FAM13C: variants seen among roughly 807,000 people sequenced by gnomAD.
FAM13C encodes family with sequence similarity 13 member C.
FAM13C carries 37 observed loss-of-function variants against 73.2 expected under a neutral mutation model. That is an observed-to-expected ratio of 0.51 (90% confidence interval 0.39 to 0.67). The LOEUF (loss-of-function observed/expected upper bound fraction) is 0.67. Among genes scored for constraint, FAM13C ranks in the 30% least tolerant of loss-of-function variants. The pLI is 0.00. For synonymous variants in FAM13C, 246 were observed against 260.9 expected (o/e 0.94, Z 0.55); for missense variants, 589 against 715.6 (o/e 0.82, Z 2.02).
chr10:59,354,315 C>A (rs570917869), intron 2 of FAM13C, among the ~76,000 whole-genome samples: 1 of 152,126 alleles, frequency 6.6e-6, no homozygotes, highest in Admixed American at 6.6e-5. Flanking sequence ...ATTACACAAA[C>A]GTAAAACCTG....
At chr10:59,307,394 C>G (rs894481607) in intron 4 of FAM13C, among the ~76,000 whole-genome samples, 4 of 152,114 alleles carry the variant, frequency 2.6e-5, no homozygotes, top group African/African-American at 9.7e-5. Context: ...GCACTAGACC[C>G]AAGAATGACT....
intron 3 of FAM13C, among the ~76,000 whole-genome samples, chr10:59,336,682 C>T (rs1852762595): frequency 6.6e-6 from 1 of 152,178 alleles, no homozygotes; most frequent in Non-Finnish European, 1.5e-5. Context: ...TCTCCAAGTG[C>T]AAGAACAGAG....
intron 4 of FAM13C, among the ~76,000 whole-genome samples, chr10:59,322,172 A>G (rs554657525): frequency 1.3e-5 from 2 of 151,576 alleles, no homozygotes; most frequent in African/African-American, 4.8e-5. Context: ...TAGTTCATCA[A>G]ATTTCACAAT....
chr10:59,301,959 T>G (rs904793708), intron 5 of FAM13C, among the ~76,000 whole-genome samples: 1 of 152,218 alleles, frequency 6.6e-6, no homozygotes, highest in Admixed American at 6.5e-5. Context: ...TGAAATACCC[T>G]TTTTGTGGGG....
intron 4 of FAM13C, among the ~76,000 whole-genome samples, chr10:59,316,119 C>T (rs897266599): frequency 6.6e-6 from 1 of 151,862 alleles, no homozygotes; most frequent in African/African-American, 2.4e-5. Context: ...ATTTTTAGTA[C>T]AGATGGGGTT....
At chr10:59,318,291 G>A (rs1315461669) in intron 4 of FAM13C, among the ~76,000 whole-genome samples, 1 of 151,888 alleles carries the variant, frequency 6.6e-6, no homozygotes, top group Non-Finnish European at 1.5e-5. Context: ...CAACAAAAAA[G>A]GAAAATTTCA....
chr10:59,254,355 G>A lies in FAM13C; in HGVS notation c.1325C>T (p.Pro442Leu). ...GCAAGTATCCTGACTTACAATTGTT[G>A]GAATAAGGGAAGGTGTTGACAAGAT... ...KQILSTPSLI[P>L]TIQEEEDSDE... is the part of the protein sequence containing the mutation. Residue 442 changes from proline to leucine, a missense_variant, in exon 11 of 14, where the codon CCA becomes CTA. Physicochemically the swap from Pro to Leu is moderately conservative, Grantham distance 98. Transcript: ENST00000618804. 1 of 1,545,542 alleles carries A rather than the reference G, an allele frequency of 6.5e-7. No homozygotes were observed. Among genetic ancestry groups the A allele is most frequent in the Non-Finnish European group, 8.8e-7 (1 of 1,142,570 alleles).
At chr10:59,284,387 T>C (rs1039468900) in intron 5 of FAM13C, among the ~76,000 whole-genome samples, 7 of 151,926 alleles carry the variant, frequency 4.6e-5, no homozygotes, top group Non-Finnish European at 8.8e-5. Flanking sequence ...TCTCAGCTGC[T>C]CTTCTGTCCT....
chr10:59,289,133 A>T (rs901242853), intron 5 of FAM13C, among the ~76,000 whole-genome samples: 1 of 152,212 alleles, frequency 6.6e-6, no homozygotes, highest in Non-Finnish European at 1.5e-5. Context: ...TTAGATCCTC[A>T]AAAGGAGCAC....
chr10:59,272,864 C>T (rs547982311), intron 6 of FAM13C, among the ~76,000 whole-genome samples: 6 of 152,206 alleles, frequency 3.9e-5, no homozygotes, highest in African/African-American at 9.6e-5. Context: ...AACCACAGAG[C>T]GCATCAAACC....
chr10:59,295,675 G>A (rs1846830983), intron 5 of FAM13C, among the ~76,000 whole-genome samples: 1 of 152,140 alleles, frequency 6.6e-6, no homozygotes, highest in African/African-American at 2.4e-5. Context: ...ATAAATAAAT[G>A]TTTAAAGCCA....
chr10:59,293,041 ACTT>A, intron 5 of FAM13C, among the ~76,000 whole-genome samples: 1 of 137,244 alleles, frequency 7.3e-6, no homozygotes, highest in Non-Finnish European at 1.5e-5. Context: ...TCTACTCTCT[ACTT>A]CTGAGATCAA....
chr10:59,303,672 T>A (rs1166983091), intron 4 of FAM13C, among the ~76,000 whole-genome samples: 5 of 152,236 alleles, frequency 3.3e-5, no homozygotes, highest in South Asian at 2.1e-4. Context: ...GTGGCAGTGT[T>A]GGGAGGTGGG....
intron 10 of FAM13C, among the ~76,000 whole-genome samples, 180 bp from the exon 11 acceptor site, chr10:59,254,623 A>ATT (rs1841764757): frequency 1.4e-5 from 2 of 147,982 alleles, no homozygotes; most frequent in South Asian, 4.4e-4. Flanking sequence ...ATTTATTTAG[A>ATT]GACAGAGTCT....
chr10:59,289,949 TG>T (rs1662092204), intron 5 of FAM13C, among the ~76,000 whole-genome samples: 1 of 152,214 alleles, frequency 6.6e-6, no homozygotes, highest in Admixed American at 6.5e-5. Flanking sequence ...CTCAAACGAA[TG>T]TCTAGAATCT....
In FAM13C at chr10:59,262,415, A is replaced by G. The variant is rs752482559; in HGVS notation, c.1236+19T>C. On this transcript the variant is annotated intron_variant, in intron 10 of 13. Coordinates refer to ENST00000618804, the MANE Select transcript of FAM13C (RefSeq NM_198215.4). ...GTGGACTACAGGGGCCCTCTATATA[A>G]CAAGACATGGTGATGTACCTTAGAA... The G allele has an allele frequency of 1.2e-6, 2 of 1,611,024 alleles. No homozygotes were observed.
At chr10:59,304,014 GGCAGGCACCT>G (rs1255916396) in intron 4 of FAM13C, among the ~76,000 whole-genome samples, 1 of 152,078 alleles carries the variant, frequency 6.6e-6, no homozygotes, top group Non-Finnish European at 1.5e-5. Context: ...GGGGCGTGGT[GGCAGGCACCT>G]GTAGTCCCAG....
At position 59,321,431 on chromosome 10, in the gene FAM13C, C is replaced by CTTTTTTTT. The variant is rs1850255076; in HGVS notation, c.443+2556_443+2557insAAAAAAAA. Among the ~76,000 whole-genome samples, 2 of 109,856 alleles carry CTTTTTTTT rather than the reference C, an allele frequency of 1.8e-5. 1 individual carries two copies. The highest frequency in any genetic ancestry group is 3.7e-5 in the Non-Finnish European group (2 of 53,744). 72.1% of individuals were successfully genotyped at this position (109,856 alleles called of 152,430 possible). On this transcript the variant is annotated intron_variant, in intron 4 of 13. Transcript: ENST00000618804. ...AGAAAGGAATGGAGCCCTGCCAACA[C>CTTTTTTTT]CTTTTTTTTTTTTTTTTTTTTTTTT...
At chr10:59,287,405 T>C (rs2133738098) in intron 5 of FAM13C, among the ~76,000 whole-genome samples, 1 of 149,988 alleles carries the variant, frequency 6.7e-6, no homozygotes, top group Non-Finnish European at 1.5e-5. Context: ...ATTTTAAGAA[T>C]TTTTAAAAAT....
Sources: gnomAD v4.1 joint callset for allele counts (sites outside exome capture counted in the v4.1 genomes callset) on GRCh38, gnomAD v4.1.1 for gene constraint, MANE v1.5 for transcripts, NCBI Gene and HGNC (gene_info 2026-07-23, HGNC 2026-07-21) for gene names.